The following GULP1 variants were observed in gnomAD, a reference collection of about 807,000 sequenced individuals.
GULP1 encodes the protein GULP PTB domain containing engulfment adaptor 1.
GULP1 carries 19 observed loss-of-function variants against 40.9 expected under a neutral mutation model. The ratio of observed to expected loss-of-function variants is 0.46; its 90% CI spans 0.32 to 0.68. The LOEUF is 0.68. Among genes scored for constraint, GULP1 ranks in the 30% least tolerant of loss-of-function variants. GULP1 has a pLI of 0.03. For synonymous variants in GULP1, 119 were observed against 117.6 expected (o/e 1.01, Z -0.08); for missense variants, 312 against 362.2 (o/e 0.86, Z 1.12).
At chr2:188,565,425 T>C (rs1697415073) in intron 7 of GULP1, among the ~76,000 whole-genome samples, 1 of 151,904 alleles carries the variant, frequency 6.6e-6, no homozygotes, top group African/African-American at 2.4e-5. Context: ...AAAGAGGCAA[T>C]GAACACACGA....
rs562855468 is a variant in GULP1, at chr2:188,585,032, G to A, written c.748+629G>A. Among the ~76,000 whole-genome samples the A allele has an allele frequency of 6.2e-4, 95 of 152,272 alleles. 1 individual carries two copies. The highest frequency in any genetic ancestry group is 2.3e-3 in the South Asian group (11 of 4,830). ...ATGAGCATACAGGCATTGGGTGAAC[G>A]TTTCCATTCCAAATTGGAGAAATTG... is the stretch of plus-strand genomic sequence containing the variant. On this transcript the variant is annotated intron_variant, in intron 10 of 11. Coordinates refer to ENST00000409830, the MANE Select transcript of GULP1 (RefSeq NM_016315.4).
At chr2:188,495,636 C>T (rs544515906) in intron 4 of GULP1, among the ~76,000 whole-genome samples, 2 of 152,080 alleles carry the variant, frequency 1.3e-5, no homozygotes, top group Admixed American at 1.3e-4. Flanking sequence ...GTGGACACTA[C>T]AACTTAATGG....
chr2:188,549,076 C>A (rs531055621), intron 7 of GULP1, among the ~76,000 whole-genome samples: 55 of 151,838 alleles, frequency 3.6e-4, no homozygotes, highest in South Asian at 1.0e-3. Context: ...ACATCCATAG[C>A]AGGATTTAAA....
At chr2:188,430,818 A>C (rs2056782535) in intron 2 of GULP1, among the ~76,000 whole-genome samples, 1 of 152,186 alleles carries the variant, frequency 6.6e-6, no homozygotes, top group South Asian at 2.1e-4. Flanking sequence ...AGCCATAAAG[A>C]AATGCTCTGA....
intron 2 of GULP1, among the ~76,000 whole-genome samples, chr2:188,446,053 A>G: frequency 6.6e-6 from 1 of 152,182 alleles, no homozygotes; most frequent in Non-Finnish European, 1.5e-5. Context: ...ACCATCTCCT[A>G]GAAAGGCTAA....
At chr2:188,360,050 T>C (rs2045889522) in intron 1 of GULP1, among the ~76,000 whole-genome samples, 1 of 152,114 alleles carries the variant, frequency 6.6e-6, no homozygotes, top group African/African-American at 2.4e-5. Flanking sequence ...AACTTCTCCA[T>C]GCTGCAGAAT....
At chr2:188,545,559 TAAC>T (rs1691705053) in intron 7 of GULP1, among the ~76,000 whole-genome samples, 1 of 151,632 alleles carries the variant, frequency 6.6e-6, no homozygotes, top group East Asian at 1.9e-4. Flanking sequence ...GTGAATCCAA[TAAC>T]AACCATTAAC....
At chr2:188,544,429 C>G (rs549094620) in intron 7 of GULP1, among the ~76,000 whole-genome samples, 2 of 151,822 alleles carry the variant, frequency 1.3e-5, no homozygotes, top group African/African-American at 4.8e-5. Flanking sequence ...GGAGATATAC[C>G]TAATGCTAAA....
At chr2:188,518,474 C>A (rs920928005) in intron 4 of GULP1, among the ~76,000 whole-genome samples, 17 of 151,920 alleles carry the variant, frequency 1.1e-4, no homozygotes, top group African/African-American at 4.1e-4. Context: ...CCAAGTCAGT[C>A]GTTGGCTAAG....
chr2:188,417,538 T>C (rs2054744680), intron 2 of GULP1, among the ~76,000 whole-genome samples: 1 of 152,162 alleles, frequency 6.6e-6, no homozygotes, highest in Non-Finnish European at 1.5e-5. Context: ...AGAAAAGTGG[T>C]TTATGTTTGT....
intron 4 of GULP1, among the ~76,000 whole-genome samples, chr2:188,521,146 A>C (rs182883500): frequency 6.6e-6 from 1 of 152,230 alleles, no homozygotes; most frequent in Non-Finnish European, 1.5e-5. Context: ...GCAAAAAAAA[A>C]TCTTTGGAAA....
intron 4 of GULP1, among the ~76,000 whole-genome samples, chr2:188,499,127 ATGTG>A (rs66692417): frequency 2.6e-5 from 3 of 116,596 alleles, no homozygotes; most frequent in Non-Finnish European, 3.6e-5. Flanking sequence ...ATGCACATAT[ATGTG>A]TGTGTATATA....
At chr2:188,294,879 A>G (rs2105872024) in intron 1 of GULP1, among the ~76,000 whole-genome samples, 1 of 152,334 alleles carries the variant, frequency 6.6e-6, no homozygotes. Context: ...GTTTATGGGG[A>G]TAAAATAGGA....
At chr2:188,548,553 G>T (rs935819284) in intron 7 of GULP1, among the ~76,000 whole-genome samples, 1 of 152,012 alleles carries the variant, frequency 6.6e-6, no homozygotes, top group Non-Finnish European at 1.5e-5. Context: ...AAGGTTGTTT[G>T]TAGATATAGA....
chr2:188,516,818 G>A (rs183672246), intron 4 of GULP1, among the ~76,000 whole-genome samples: 22 of 152,160 alleles, frequency 1.4e-4, no homozygotes, highest in Admixed American at 6.5e-4. Context: ...GTTCTAGTTC[G>A]TATCTTATTT....
At chr2:188,577,276 C>G (rs1367133286) in intron 9 of GULP1, among the ~76,000 whole-genome samples, 1 of 152,028 alleles carries the variant, frequency 6.6e-6, no homozygotes, top group African/African-American at 2.4e-5. Context: ...CAATTATAAC[C>G]TAAAACGTAT....
At chr2:188,443,912 C>T (rs889752451) in intron 2 of GULP1, among the ~76,000 whole-genome samples, 3 of 151,926 alleles carry the variant, frequency 2.0e-5, no homozygotes, top group Non-Finnish European at 4.4e-5. Flanking sequence ...TAGTAATTCT[C>T]ATCATATTTG....
intron 2 of GULP1, among the ~76,000 whole-genome samples, chr2:188,410,851 A>G (rs2053778707): frequency 6.6e-6 from 1 of 152,166 alleles, no homozygotes; most frequent in East Asian, 1.9e-4. Flanking sequence ...GAAGGCTGGG[A>G]GGTTTGCATA....
At chr2:188,502,136 G>A (rs899885367) in intron 4 of GULP1, among the ~76,000 whole-genome samples, 2 of 151,842 alleles carry the variant, frequency 1.3e-5, no homozygotes, top group African/African-American at 4.8e-5. Flanking sequence ...GGTGTAAGAG[G>A]CAATTGAGGA....
Sources: allele counts gnomAD v4.1 joint callset (sites outside exome capture counted in the v4.1 genomes callset), GRCh38; gene constraint gnomAD v4.1.1; transcripts MANE v1.5; gene names NCBI Gene and HGNC (gene_info 2026-07-23, HGNC 2026-07-21).